The following SOAT1 variants were observed in gnomAD, a reference collection of about 807,000 sequenced individuals.
SOAT1 encodes sterol O-acyltransferase 1.
Under a neutral mutation model 69.5 loss-of-function variants are expected in SOAT1, and 55 were observed. The observed-to-expected ratio is 0.79, with a 90% confidence interval of 0.64 to 0.99. SOAT1 has a LOEUF of 0.99. SOAT1 is among the 50% of genes least tolerant of loss of function. The probability of loss-of-function intolerance (pLI) is 0.00; values close to 1 mark genes in which losing one functional copy is unlikely to be tolerated. For synonymous variants in SOAT1, 231 were observed against 224.7 expected (o/e 1.03, Z -0.25); for missense variants, 580 against 669.3 (o/e 0.87, Z 1.47).
chr1:179,306,461 T>C (rs1419025366), intron 2 of SOAT1, among the ~76,000 whole-genome samples: 1 of 152,112 alleles, frequency 6.6e-6, no homozygotes, highest in East Asian at 1.9e-4. Flanking sequence ...GCTAAGGTGG[T>C]GGAAATTAGT....
intron 2 of SOAT1, among the ~76,000 whole-genome samples, chr1:179,316,163 A>G (rs777827885): frequency 8.5e-5 from 13 of 152,072 alleles, no homozygotes; most frequent in Non-Finnish European, 1.8e-4. Context: ...TAAAATTCTT[A>G]GTTTCCTCAA....
intron 1 of SOAT1, among the ~76,000 whole-genome samples, chr1:179,301,730 G>C (rs1039354311): frequency 6.6e-6 from 1 of 152,070 alleles, no homozygotes; most frequent in African/African-American, 2.4e-5. Flanking sequence ...CATCTGGCAG[G>C]GTCCTTGCAC....
Position 179,350,231 on chromosome 1 carries a change from C to T in SOAT1, c.1315-65C>T, listed in dbSNP as rs530252615. On this transcript the variant is annotated intron_variant, in intron 13 of 15. Transcript: ENST00000367619. ...TGCCTTTGGCATATAATTTTACATC[C>T]TATATAATCCATGCTTGCTTTAAAT... is the stretch of plus-strand genomic sequence containing the variant. 7 of 1,369,554 alleles carry T rather than the reference C, an allele frequency of 5.1e-6. No homozygotes were observed. In the East Asian group the frequency reaches 1.4e-4, roughly 27 times the overall value. 84.8% of individuals were successfully genotyped at this position (1,369,554 alleles called of 1,614,324 possible).
chr1:179,318,452 G>T (rs1190033747), intron 2 of SOAT1, among the ~76,000 whole-genome samples: 1 of 152,022 alleles, frequency 6.6e-6, no homozygotes, highest in Non-Finnish European at 1.5e-5. Flanking sequence ...TTCTCAGTCA[G>T]AATACCGCCG....
intron 3 of SOAT1, among the ~76,000 whole-genome samples, chr1:179,328,956 A>G (rs1456147631): frequency 6.6e-6 from 1 of 151,180 alleles, no homozygotes; most frequent in African/African-American, 2.4e-5. Context: ...TGAGGTGGGA[A>G]GATCATTTGA....
rs1666894561 is a variant in SOAT1 at position 179,356,014 on chromosome 1, T to C, written c.*2373T>C. The C allele has an allele frequency of 6.6e-6, 1 of 152,244 alleles. No individual in the cohort carries two copies. The highest frequency in any genetic ancestry group is 1.5e-5 in the Non-Finnish European group (1 of 68,042). The allele number at this position is 152,244 out of a possible 1,614,324, so 9.4% of individuals were successfully genotyped here. A position where few individuals can be genotyped will look rare whatever the true frequency, so the allele number is the denominator to read the frequency against. ...AGCCATAATCTTATTGCTAGCTGCT[T>C]TTAGCAAAAGTCTTTTCTTGAAACC... On this transcript the variant is annotated 3_prime_UTR_variant, in exon 16 of 16. Transcript: ENST00000367619.
chr1:179,339,819 A>G (rs921714634), intron 6 of SOAT1, among the ~76,000 whole-genome samples: 1 of 152,244 alleles, frequency 6.6e-6, no homozygotes, highest in African/African-American at 2.4e-5. Flanking sequence ...CAGTTGACCT[A>G]CGAACAGCAC....
chr1:179,299,129 G>T (rs563937868), intron 1 of SOAT1, among the ~76,000 whole-genome samples: 1 of 152,146 alleles, frequency 6.6e-6, no homozygotes, highest in African/African-American at 2.4e-5. Context: ...TAGTGGGACC[G>T]CAGAGAGGAT....
At chr1:179,312,793 G>A (rs149286961) in intron 2 of SOAT1, among the ~76,000 whole-genome samples, 81 of 152,224 alleles carry the variant, frequency 5.3e-4, no homozygotes, top group African/African-American at 1.7e-3. Flanking sequence ...CCCTTTACCC[G>A]CTTTGCCCTT....
At chr1:179,334,675 G>C (rs1666084009) in intron 3 of SOAT1, among the ~76,000 whole-genome samples, 1 of 152,174 alleles carries the variant, frequency 6.6e-6, no homozygotes, top group African/African-American at 2.4e-5. Flanking sequence ...TGTACCGTCT[G>C]AGGTGTCAGA....
chr1:179,347,852 G>A (rs1437602093), intron 12 of SOAT1, among the ~76,000 whole-genome samples, 155 bp downstream of exon 12: 1 of 152,024 alleles, frequency 6.6e-6, no homozygotes, highest in Non-Finnish European at 1.5e-5. Flanking sequence ...TCTGAAATTC[G>A]GTTACAGATA....
At position 179,342,246 on chromosome 1, in the gene SOAT1, C is replaced by T. The variant is rs543236538; in HGVS notation, c.859+54C>T. 20 of 1,208,562 alleles carry T rather than the reference C, an allele frequency of 1.7e-5. No homozygotes were observed. The African/African-American group carries it at 1.9e-4, about 11-fold the overall frequency. The allele number at this position is 1,208,562 out of a possible 1,614,324, so 74.9% of individuals were successfully genotyped here. A position where few individuals can be genotyped will look rare whatever the true frequency, so the allele number is the denominator to read the frequency against. ...TTCCTCCCCTCCCCTCCTCTCCCCCCACCCCATTCCCTTCCCTTCCCTTCC... is the reference window on the plus strand; with the variant it reads ...TTCCTCCCCTCCCCTCCTCTCCCCCTACCCCATTCCCTTCCCTTCCCTTCC... On this transcript the variant is annotated intron_variant, in intron 8 of 15. Coordinates refer to ENST00000367619, the MANE Select transcript of SOAT1 (RefSeq NM_003101.6).
chr1:179,302,272 C>T (rs935501823), intron 1 of SOAT1, among the ~76,000 whole-genome samples: 2 of 152,150 alleles, frequency 1.3e-5, no homozygotes, highest in African/African-American at 4.8e-5. Context: ...TTCACGTAAG[C>T]CAGATGCTTA....
At chr1:179,328,795 G>A (rs1393550529) in intron 3 of SOAT1, among the ~76,000 whole-genome samples, 2 of 152,124 alleles carry the variant, frequency 1.3e-5, no homozygotes, top group Non-Finnish European at 2.9e-5. Flanking sequence ...TGTAATCGCA[G>A]CACTTTGGGA....
intron 2 of SOAT1, among the ~76,000 whole-genome samples, chr1:179,304,674 G>A (rs1235306487): frequency 6.6e-6 from 1 of 151,250 alleles, no homozygotes; most frequent in African/African-American, 2.4e-5. Context: ...CTCCTAATTG[G>A]AGATAGTCTC....
chr1:179,328,615 G>A (rs1665864428), intron 3 of SOAT1, among the ~76,000 whole-genome samples: 1 of 152,110 alleles, frequency 6.6e-6, no homozygotes, highest in Non-Finnish European at 1.5e-5. Flanking sequence ...ATGTTAAGAA[G>A]GGCAAAGGGA....
chr1:179,323,597 A>T, intron 3 of SOAT1, 102 bp downstream of exon 3: 1 of 919,282 alleles, frequency 1.1e-6, no homozygotes, highest in South Asian at 1.5e-5. Flanking sequence ...TATTTAAGCC[A>T]TTCATCAGTT....
chr1:179,342,252 A>ATTCCC lies in SOAT1; in HGVS notation c.859+79_859+83dup, dbSNP rs533532990. On this transcript the variant is annotated intron_variant, in intron 8 of 15. Coordinates refer to ENST00000367619, the MANE Select transcript of SOAT1 (RefSeq NM_003101.6). ...CCCTCCCCTCCTCTCCCCCCACCCC[A>ATTCCC]TTCCCTTCCCTTCCCTTCCCTTCTT... is the stretch of plus-strand genomic sequence containing the variant. The ATTCCC allele has an allele frequency of 4.2e-3, 3,613 of 851,956 alleles. 116 individuals are homozygous for ATTCCC. In the African/African-American group the frequency reaches 0.1, roughly 24 times the overall value. The allele number at this position is 851,956 out of a possible 1,614,324, so 52.8% of individuals were successfully genotyped here. A position where few individuals can be genotyped will look rare whatever the true frequency, so the allele number is the denominator to read the frequency against.
Position 179,356,802 on chromosome 1 carries a change from C to G in SOAT1, c.*3161C>G, listed in dbSNP as rs965828771. Reference sequence around the variant, plus strand: ...CAAACTCCTGGACTCAAATAGTGCTCTGGAGTACCTAGAACTACAAGTGCC... The same window carrying G: ...CAAACTCCTGGACTCAAATAGTGCTGTGGAGTACCTAGAACTACAAGTGCC... On this transcript the variant is annotated 3_prime_UTR_variant, in exon 16 of 16. Transcript: ENST00000367619. 7.9e-5 allele frequency: 12 copies of G among 151,122 alleles called. No homozygotes were observed. The allele number at this position is 151,122 out of a possible 1,614,324, so 9.4% of individuals were successfully genotyped here. A position where few individuals can be genotyped will look rare whatever the true frequency, so the allele number is the denominator to read the frequency against.
Sources: gnomAD v4.1 joint callset for allele counts (sites outside exome capture counted in the v4.1 genomes callset) on GRCh38, gnomAD v4.1.1 for gene constraint, MANE v1.5 for transcripts, NCBI Gene and HGNC (gene_info 2026-07-23, HGNC 2026-07-21) for gene names.